RUFY1: variants seen among roughly 807,000 people sequenced by gnomAD.
RUFY1 encodes RUN and FYVE domain-containing protein 1.
A neutral mutation model predicts 94.6 loss-of-function variants in RUFY1; 54 were observed. The ratio of observed to expected loss-of-function variants is 0.57; its 90% CI spans 0.46 to 0.72. The LOEUF (loss-of-function observed/expected upper bound fraction) is 0.72, where lower values mean the gene tolerates loss of function less well. Among genes scored for constraint, RUFY1 ranks in the 30% least tolerant of loss-of-function variants. The probability of loss-of-function intolerance (pLI) is 0.00; values close to 1 mark genes in which losing one functional copy is unlikely to be tolerated. For missense variants in RUFY1, 883 were observed against 883.9 expected (o/e 1.00, Z 0.01); for synonymous variants, 396 against 347.3 (o/e 1.14, Z -1.56).
At chr5:179,563,758 G>A (rs1422827255) in intron 3 of RUFY1, among the ~76,000 whole-genome samples, 2 of 151,344 alleles carry the variant, frequency 1.3e-5, no homozygotes, top group African/African-American at 2.4e-5. Flanking sequence ...TGCAACCTCC[G>A]CTTCCTAGGT....
Position 179,550,607 on chromosome 5 carries a change from G to GGCGGGAGCTGGA in RUFY1, c.41_52dup (p.Arg14_Glu17dup), listed in dbSNP as rs764602508. On this transcript the variant is annotated inframe_insertion, in exon 1 of 18. Coordinates refer to ENST00000319449, the MANE Select transcript of RUFY1 (RefSeq NM_025158.5). ...GAAGGCGGCTGCGCTGCTGGGCGGG[G>GGCGGGAGCTGGA]GCGGGAGCTGGAGCCGGAGCTGGAG... 1.6e-4 allele frequency: 208 copies of GGCGGGAGCTGGA among 1,313,728 alleles called. No individual in the cohort carries two copies. The highest frequency in any genetic ancestry group is 1.1e-3 in the Admixed American group (32 of 28,182). The allele number at this position is 1,313,728 out of a possible 1,614,324, so 81.4% of individuals were successfully genotyped here.
chr5:179,559,320 C>CT (rs1762266688), intron 1 of RUFY1, among the ~76,000 whole-genome samples: 1 of 150,816 alleles, frequency 6.6e-6, no homozygotes, highest in Non-Finnish European at 1.5e-5. Flanking sequence ...AAATGGAACT[C>CT]TCTGAATTCA....
At chr5:179,593,371 A>T in intron 10 of RUFY1, 107 bp from the exon 11 acceptor site, 1 of 1,335,374 alleles carries the variant, frequency 7.5e-7, no homozygotes, top group South Asian at 1.3e-5. Flanking sequence ...GAGCCACCAC[A>T]CCCAGCCTTC....
At chr5:179,588,880 G>T (rs1168399476) in intron 8 of RUFY1, among the ~76,000 whole-genome samples, 1 of 152,082 alleles carries the variant, frequency 6.6e-6, no homozygotes, top group Non-Finnish European at 1.5e-5. Context: ...ACAGGCATGA[G>T]ACATCACTCC....
chr5:179,572,309 C>A, intron 5 of RUFY1: 1 of 198,268 alleles, frequency 5.0e-6, no homozygotes. Flanking sequence ...TTTCTGTGGC[C>A]CATGGAGAAC....
intron 8 of RUFY1, among the ~76,000 whole-genome samples, chr5:179,588,085 G>C (rs1459548670): frequency 6.6e-6 from 1 of 152,164 alleles, no homozygotes; most frequent in African/African-American, 2.4e-5. Flanking sequence ...ATGGGAATTA[G>C]CTTATGGTTT....
intron 7 of RUFY1, among the ~76,000 whole-genome samples, chr5:179,581,603 G>A (rs907239476): frequency 5.3e-5 from 8 of 151,894 alleles, no homozygotes; most frequent in Non-Finnish European, 7.4e-5. Context: ...CCACCTCTCC[G>A]GCCCCAAAAG....
intron 2 of RUFY1, among the ~76,000 whole-genome samples, chr5:179,562,219 C>T (rs955392525): frequency 2.6e-5 from 4 of 151,866 alleles, no homozygotes; most frequent in East Asian, 2.0e-4. Flanking sequence ...CAAGACCAGC[C>T]TGGCCAACAT....
chr5:179,559,242 T>TA (rs1762263035), intron 1 of RUFY1, among the ~76,000 whole-genome samples: 1 of 152,368 alleles, frequency 6.6e-6, no homozygotes, highest in African/African-American at 2.4e-5. Flanking sequence ...CACGTATAGA[T>TA]ATCTGATGAT....
chr5:179,560,214 C>T lies in RUFY1; in HGVS notation c.484+16C>T, dbSNP rs1762334898. On this transcript the variant is annotated intron_variant, in intron 2 of 17. Coordinates refer to ENST00000319449, the MANE Select transcript of RUFY1 (RefSeq NM_025158.5). ...GGGCTGAAAGGTGAGCCTGAGGGGGCGTTTGGGAGCGTGGAAGTTCGGGCT... is the reference window on the plus strand; with the variant it reads ...GGGCTGAAAGGTGAGCCTGAGGGGGTGTTTGGGAGCGTGGAAGTTCGGGCT... 6.2e-7 allele frequency: 1 copy of T among 1,606,796 alleles called. No homozygotes were observed. Among genetic ancestry groups the T allele is most frequent in the Non-Finnish European group, 8.5e-7 (1 of 1,174,860 alleles).
intron 10 of RUFY1, among the ~76,000 whole-genome samples, chr5:179,593,065 AGTTT>A (rs904384740): frequency 1.3e-5 from 2 of 151,898 alleles, no homozygotes; most frequent in African/African-American, 2.4e-5. Flanking sequence ...TCTCACCTTC[AGTTT>A]GTTTGTTTTG....
Position 179,595,208 on chromosome 5 carries a change from G to A in RUFY1, c.1511+245G>A, listed in dbSNP as rs538841955. On this transcript the variant is annotated intron_variant, in intron 12 of 17. Coordinates refer to ENST00000319449, the MANE Select transcript of RUFY1 (RefSeq NM_025158.5). ...AAATACTAAAAATTAGGACGGGCGCGGTGGCTCACGCCTGTAATCCCAGCA... is the reference window on the plus strand; with the variant it reads ...AAATACTAAAAATTAGGACGGGCGCAGTGGCTCACGCCTGTAATCCCAGCA... Among the ~76,000 whole-genome samples, 109 of 152,238 alleles carry A rather than the reference G, an allele frequency of 7.2e-4. 1 individual carries two copies. Among genetic ancestry groups the A allele is most frequent in the Admixed American group, 2.5e-3 (38 of 15,282 alleles).
At chr5:179,560,703 G>A (rs1226405966) in intron 2 of RUFY1, among the ~76,000 whole-genome samples, 1 of 137,938 alleles carries the variant, frequency 7.2e-6, no homozygotes, top group Non-Finnish European at 1.5e-5. Flanking sequence ...TCCAGCTTGG[G>A]CAACAGAGCA....
intron 6 of RUFY1, 70 bp from the exon 7 acceptor site, chr5:179,580,877 T>C: frequency 1.2e-6 from 1 of 842,510 alleles, no homozygotes; most frequent in Non-Finnish European, 1.9e-6. Flanking sequence ...GATTGGAATA[T>C]TGGGGAACAG....
chr5:179,568,516 A>G (rs1447517835), intron 4 of RUFY1, among the ~76,000 whole-genome samples: 1 of 152,344 alleles, frequency 6.6e-6, no homozygotes, highest in Non-Finnish European at 1.5e-5. Flanking sequence ...ACTGATTTAC[A>G]ATATTTCACA....
chr5:179,595,116 G>A (rs1562077833), intron 12 of RUFY1, among the ~76,000 whole-genome samples, 153 bp downstream of exon 12: 1 of 152,106 alleles, frequency 6.6e-6, no homozygotes, highest in Non-Finnish European at 1.5e-5. Context: ...GCCGACGCGG[G>A]AGGATCACTT....
At chr5:179,566,138 CAA>C (rs923122282) in intron 3 of RUFY1, among the ~76,000 whole-genome samples, 4 of 142,532 alleles carry the variant, frequency 2.8e-5, no homozygotes, top group Admixed American at 7.0e-5. Context: ...ACCCTGTCTC[CAA>C]AAAAAAAAAG....
chr5:179,603,926 GC>G (rs1766734162), intron 15 of RUFY1, among the ~76,000 whole-genome samples: 1 of 152,132 alleles, frequency 6.6e-6, no homozygotes, highest in East Asian at 1.9e-4. Flanking sequence ...GCATGGTGGA[GC>G]GCGCCTGTAA....
chr5:179,598,015 G>A (rs752345845), intron 13 of RUFY1, among the ~76,000 whole-genome samples: 1 of 152,102 alleles, frequency 6.6e-6, no homozygotes, highest in African/African-American at 2.4e-5. Context: ...ATGGTGAAAC[G>A]TCATCTCTAC....
Sources: gnomAD v4.1 joint callset for allele counts (sites outside exome capture counted in the v4.1 genomes callset) on GRCh38, gnomAD v4.1.1 for gene constraint, MANE v1.5 for transcripts, NCBI Gene and HGNC (gene_info 2026-07-23, HGNC 2026-07-21) for gene names.